Variants in TTN observed in about 807,000 individuals in gnomAD.
The protein encoded by TTN is titin.
Under a neutral mutation model 3,223.0 loss-of-function variants are expected in TTN, and 1,525 were observed. The ratio of observed to expected loss-of-function variants is 0.47; its 90% CI spans 0.45 to 0.49. TTN has a LOEUF of 0.49. Ranked by LOEUF, TTN falls within the 20% of genes least tolerant of loss-of-function variation. The probability of loss-of-function intolerance (pLI) is 0.00; values close to 1 mark genes in which losing one functional copy is unlikely to be tolerated. For synonymous variants in TTN, 14,094 were observed against 15,161.0 expected (o/e 0.93, Z 5.17); for missense variants, 40,786 against 43,424.0 (o/e 0.94, Z 5.40).
chr2:178,645,920 CT>C lies in TTN; in HGVS notation c.40407del (p.Ala13470LeufsTer22). 1 of 1,558,824 alleles carries C rather than the reference CT, an allele frequency of 6.4e-7. No homozygotes were observed. The highest frequency in any genetic ancestry group is 8.7e-7 in the Non-Finnish European group (1 of 1,152,942). On this transcript the variant is annotated frameshift_variant and splice_region_variant, in exon 217 of 363. Coordinates refer to ENST00000589042, the MANE Select transcript of TTN (RefSeq NM_001267550.2). LOFTEE classifies it high-confidence loss of function. ...AAACTTTGGAAGTGGCATTTTTTAC[CT>C]TTAAGTTGGAATATTTTCTCCTTCA... ...EDVKEKIFQL[K>X]AIPKKKVPEK...
At position 178,587,204 on chromosome 2, in the gene TTN, T is replaced by C; in HGVS notation, c.64007A>G (p.Tyr21336Cys). The C allele has an allele frequency of 6.2e-7, 1 of 1,613,290 alleles. No individual in the cohort carries two copies. Among genetic ancestry groups the C allele is most frequent in the Non-Finnish European group, 8.5e-7 (1 of 1,179,468 alleles). ...GTTGACAGCAGTTACTCTGAAGTAA[T>C]ACTCATTCCCAGGGACAAGATTGGT... ...HVTNLVPGNE[Y>C]YFRVTAVNEY... The change falls in exon 307 of 363, where the codon TAT becomes TGT. Residue 21336 changes from tyrosine (Y) to cysteine (C), a missense_variant. By Grantham distance (194) the Tyr-to-Cys change is radical (BLOSUM62 -2). Transcript: ENST00000589042.
At position 178,664,664 on chromosome 2, in the gene TTN, A is replaced by C. The variant is rs1410812067; in HGVS notation, c.36192T>G (p.Leu12064=). The C allele has an allele frequency of 6.2e-7, 1 of 1,612,272 alleles. No individual in the cohort carries two copies. The highest frequency in any genetic ancestry group is 1.1e-5 in the South Asian group (1 of 91,046). The part of the protein sequence containing the change: ...LVVPLRKPEV[L]PDEVPEALRE... ...TCCAGCAAGATATACCTTCATCAGGAAGGACTTCAGGCTTTCTGAGAGGAA... is the reference window on the plus strand; with the variant it reads ...TCCAGCAAGATATACCTTCATCAGGCAGGACTTCAGGCTTTCTGAGAGGAA... Residue 12064 remains leucine (L), a synonymous_variant, in exon 167 of 363, where the codon CTT becomes CTG. Transcript: ENST00000589042.
At position 178,593,249 on chromosome 2, in the gene TTN, C is replaced by G. The variant is rs2050631903; in HGVS notation, c.58959G>C (p.Arg19653=). ...DLLEGCQYEF[R]VSAENEIGIG... ...TACCAATTTCATTTTCTGCAGAAAC[C>G]CGGAATTCATACTGACATCCTTCTA... is the stretch of plus-strand genomic sequence containing the variant. The change falls in exon 299 of 363, where the codon CGG becomes CGC. Residue 19653 remains arginine (R), a synonymous_variant. Transcript: ENST00000589042. The G allele has an allele frequency of 6.2e-7, 1 of 1,613,342 alleles. No individual in the cohort carries two copies. Among genetic ancestry groups the G allele is most frequent in the Non-Finnish European group, 8.5e-7 (1 of 1,179,588 alleles).
chr2:178,750,880 T>C, intron 47 of TTN: 7 of 1,613,004 alleles, frequency 4.3e-6, no homozygotes, highest in Non-Finnish European at 5.9e-6. Context: ...CCATAATTTC[T>C]TCCAGCTGTC....
At chr2:178,639,675 A>G (rs772090709) in intron 223 of TTN, 24 bp downstream of exon 223, 1 of 1,608,854 alleles carries the variant, frequency 6.2e-7, no homozygotes, top group South Asian at 1.1e-5. Flanking sequence ...CAAACTAGCA[A>G]AAAGAAAGCT....
chr2:178,572,598 C>G lies in TTN; in HGVS notation c.73534G>C (p.Val24512Leu). 6.2e-7 allele frequency: 1 copy of G among 1,613,364 alleles called. No individual in the cohort carries two copies. Among genetic ancestry groups the G allele is most frequent in the Non-Finnish European group, 8.5e-7 (1 of 1,179,572 alleles). ...GGTGTATCGAGAACTCTAACATTGA[C>G]AAATGCAGACTTGCTGCCTGAACTA... is the stretch of plus-strand genomic sequence containing the variant. ...ENSSGSKSAF[V>L]NVRVLDTPGP... The change falls in exon 326 of 363, where the codon GTC (valine) becomes CTC (leucine). Residue 24512 changes from valine to leucine, a missense_variant. By Grantham distance (32) the Val-to-Leu change is conservative. Coordinates refer to ENST00000589042, the MANE Select transcript of TTN (RefSeq NM_001267550.2).
At position 178,532,943 on chromosome 2, in the gene TTN, G is replaced by A. The variant is rs745743825; in HGVS notation, c.103672C>T (p.Arg34558Cys). The A allele has an allele frequency of 4.3e-6, 7 of 1,613,746 alleles. No individual in the cohort carries two copies. The highest frequency in any genetic ancestry group is 4.5e-5 in the East Asian group (2 of 44,880). The stretch of plus-strand genomic sequence containing the variant: ...GACATGGGCACGAACTGCTTGATGC[G>A]TTGGTCTTCTTCTATGGTAGTCTGC... ...YKQTTIEEDQ[R>C]IKQFVPMSDM... The change falls in exon 358 of 363, where the codon CGC (arginine) becomes TGC (cysteine). Residue 34558 changes from arginine (R) to cysteine (C), a missense_variant. Arg to Cys is a radical substitution (Grantham distance 180, BLOSUM62 -3). Transcript: ENST00000589042.
At chr2:178,617,698 AT>A (rs2057616144) in intron 253 of TTN, 80 bp downstream of exon 253, 15 of 1,538,770 alleles carry the variant, frequency 9.7e-6, no homozygotes, top group Non-Finnish European at 1.3e-5. Flanking sequence ...ATTAACTTTC[AT>A]TTAACTTGAT....
chr2:178,639,809 C>A (rs779493667), intron 222 of TTN, 21 bp from the exon 223 acceptor site: 1 of 1,553,828 alleles, frequency 6.4e-7, no homozygotes, highest in South Asian at 1.2e-5. Context: ...AAGTCCATTG[C>A]ATTAGTGTAT....
chr2:178,721,799 T>G, intron 78 of TTN, 48 bp downstream of exon 78: 1 of 1,438,852 alleles, frequency 6.9e-7, no homozygotes, highest in Non-Finnish European at 9.2e-7. Flanking sequence ...AAGACAATTA[T>G]GCAAATATGG....
chr2:178,650,378 T>C (rs571378431), intron 209 of TTN, 107 bp from the exon 210 acceptor site: 15 of 1,061,440 alleles, frequency 1.4e-5, no homozygotes, highest in South Asian at 8.3e-5. Flanking sequence ...TTTGTTTCAA[T>C]TGATACCTTC....
At position 178,602,458 on chromosome 2, in the gene TTN, C is replaced by T. The variant is rs779940105; in HGVS notation, c.54944G>A (p.Gly18315Asp). 1.9e-6 allele frequency: 3 copies of T among 1,612,354 alleles called. No homozygotes were observed. The Admixed American group carries it at 5.0e-5, about 27-fold the overall frequency. Reference sequence around the variant, plus strand: ...ATTTACTCTTTTCCAGTCAGTAGTACCTTCTTCTTGCATTTCTACAATGTA... The same window carrying T: ...ATTTACTCTTTTCCAGTCAGTAGTATCTTCTTCTTGCATTTCTACAATGTA... ...KGYIVEMQEE[G>D]TTDWKRVNEP... The change falls in exon 283 of 363, where the codon GGT becomes GAT. Residue 18315 changes from glycine to aspartate, a missense_variant. Gly to Asp is a moderately conservative substitution (Grantham distance 94). Transcript: ENST00000589042.
In TTN at chr2:178,619,818, A is replaced by G. The variant is rs529804754; in HGVS notation, c.46499T>C (p.Leu15500Ser). The change falls in exon 250 of 363, where the codon TTA becomes TCA. Residue 15500 changes from leucine to serine, a missense_variant. Coordinates refer to ENST00000589042, the MANE Select transcript of TTN (RefSeq NM_001267550.2). Reference protein sequence around the residue: ...LEAPGADVVFLAELNKDKVEV... With the variant: ...LEAPGADVVFSAELNKDKVEV... ...CACCTTATCTTTATTGAGTTCTGCT[A>G]AAAAGACAACATCAGCACCAGGGGC... 1 of 1,612,290 alleles carries G rather than the reference A, an allele frequency of 6.2e-7. No homozygotes were observed. Among genetic ancestry groups the G allele is most frequent in the African/African-American group, 1.3e-5 (1 of 74,898 alleles).
rs374608122 is a variant in TTN, at chr2:178,584,972, C to T, written c.64673-4G>A. The T allele has an allele frequency of 1.6e-5, 26 of 1,612,338 alleles. No homozygotes were observed. The highest frequency in any genetic ancestry group is 2.1e-5 in the Non-Finnish European group (25 of 1,179,306). ...GGCTGAGGGGGGCCGGGGGCATCTA[C>T]ATGAACCAAGAGGAAAGAAATGTAA... On this transcript the variant is annotated splice_polypyrimidine_tract_variant and splice_region_variant and intron_variant, in intron 309 of 362. Transcript: ENST00000589042.
At position 178,616,961 on chromosome 2, in the gene TTN, G is replaced by A; in HGVS notation, c.47928C>T (p.Val15976=). The change falls in exon 256 of 363, where the codon GTC becomes GTT. Residue 15976 remains valine, a synonymous_variant. Transcript: ENST00000589042. ...SAFKDGLEVI[V]PNPITILVPS... ...GAACCAGGATCGTGATAGGATTTGG[G>A]ACAATAACTTCCAGACCATCTTTAA... 4 of 1,612,588 alleles carry A rather than the reference G, an allele frequency of 2.5e-6. No homozygotes were observed. The highest frequency in any genetic ancestry group is 3.4e-6 in the Non-Finnish European group (4 of 1,179,072).
In TTN at chr2:178,721,260, T is replaced by C. The variant is rs2078318028; in HGVS notation, c.22817-58A>G. The C allele has an allele frequency of 6.0e-6, 8 of 1,330,600 alleles. No homozygotes were observed. The South Asian group carries it at 1.6e-4, about 27-fold the overall frequency. The allele number at this position is 1,330,600 out of a possible 1,614,324, so 82.4% of individuals were successfully genotyped here. A position where few individuals can be genotyped will look rare whatever the true frequency, so the allele number is the denominator to read the frequency against. On this transcript the variant is annotated intron_variant, in intron 78 of 362. Transcript: ENST00000589042. ...TATTTATTATACATGTTAAAAGAGC[T>C]TGTTTTTGTAGCTGAAGATCCCATA...
Position 178,589,276 on chromosome 2 carries a change from T to A in TTN, c.62449A>T (p.Arg20817Trp). 4.3e-6 allele frequency: 7 copies of A among 1,613,494 alleles called. No individual in the cohort carries two copies. Among genetic ancestry groups the A allele is most frequent in the Non-Finnish European group, 5.9e-6 (7 of 1,179,622 alleles). Residue 20817 changes from arginine (R) to tryptophan (W), a missense_variant, in exon 304 of 363, where the codon AGG (arginine) becomes TGG (tryptophan). Physicochemically the swap from Arg to Trp is moderately radical, Grantham distance 101. Coordinates refer to ENST00000589042, the MANE Select transcript of TTN (RefSeq NM_001267550.2). The stretch of plus-strand genomic sequence containing the variant: ...TCAGCACGGGTATCAATCTTGACCC[T>A]TGGTGATCTTGTTAAGTCTGTAGCG... ...KDATDLTRSP[R>W]VKIDTRADSS...
chr2:178,776,808 G>C lies in TTN; in HGVS notation c.5056C>G (p.Gln1686Glu). The C allele has an allele frequency of 1.9e-6, 3 of 1,613,984 alleles. No individual in the cohort carries two copies. Among genetic ancestry groups the C allele is most frequent in the South Asian group, 1.1e-5 (1 of 91,082 alleles). The stretch of plus-strand genomic sequence containing the variant: ...AGATCACCTTCTTCCCATTGCTCTT[G>C]GCCATATCGCAAATGGAGGGGCTCC... Reference protein sequence around the residue: ...ELEPLHLRYGQEQWEEGDLYD... With the variant: ...ELEPLHLRYGEEQWEEGDLYD... The change falls in exon 28 of 363, where the codon CAA (glutamine) becomes GAA (glutamate). Residue 1686 changes from glutamine (Q) to glutamate (E), a missense_variant. By Grantham distance (29) the Gln-to-Glu change is conservative. Coordinates refer to ENST00000589042, the MANE Select transcript of TTN (RefSeq NM_001267550.2).
At chr2:178,652,421 G>C in intron 202 of TTN, 37 bp downstream of exon 202, 1 of 1,613,002 alleles carries the variant, frequency 6.2e-7, no homozygotes, top group Non-Finnish European at 8.5e-7. Context: ...GAGCAGAAGA[G>C]TTTGATCATC....
Sources: gnomAD v4.1 joint callset for allele counts on GRCh38, gnomAD v4.1.1 for gene constraint, MANE v1.5 for transcripts, NCBI Gene and HGNC (gene_info 2026-07-23, HGNC 2026-07-21) for gene names.